Variants in XRRA1 observed in about 807,000 individuals in gnomAD.
XRRA1 encodes the protein X-ray radiation resistance associated 1.
Under a neutral mutation model 80.2 loss-of-function variants are expected in XRRA1, and 69 were observed. That is an observed-to-expected ratio of 0.86 (90% CI 0.71 to 1.05). The LOEUF is 1.05. Among genes scored for constraint, XRRA1 ranks in the 50% least tolerant of loss-of-function variants. The probability of loss-of-function intolerance (pLI) is 0.00; values close to 1 mark genes in which losing one functional copy is unlikely to be tolerated. For synonymous variants in XRRA1, 348 were observed against 389.9 expected (o/e 0.89, Z 1.27); for missense variants, 967 against 976.4 (o/e 0.99, Z 0.13).
At chr11:74,942,535 C>T (rs897555303) in intron 2 of XRRA1, among the ~76,000 whole-genome samples, 2 of 152,232 alleles carry the variant, frequency 1.3e-5, no homozygotes, top group African/African-American at 4.8e-5. Context: ...TGTGCTCTCT[C>T]TCAGAGTTGT....
rs2038859179 is a variant in XRRA1, at chr11:74,848,363, C to G, written c.1480G>C (p.Glu494Gln). 1 of 1,613,818 alleles carries G rather than the reference C, an allele frequency of 6.2e-7. No individual in the cohort carries two copies. Among genetic ancestry groups the G allele is most frequent in the Admixed American group, 1.7e-5 (1 of 59,992 alleles). Reference sequence around the variant, plus strand: ...GGCAGATCTTCAGCCAGCTCTGCCTCTGGCTCTAGCATATCCTTTGAGGGA... The same window carrying G: ...GGCAGATCTTCAGCCAGCTCTGCCTGTGGCTCTAGCATATCCTTTGAGGGA... ...KSPSKDMLEP[E>Q]AELAEDLPTT... Residue 494 changes from glutamate (E) to glutamine (Q), a missense_variant, in exon 15 of 19, where the codon GAG (glutamate) becomes CAG (glutamine). By Grantham distance (29) the Glu-to-Gln change is conservative (BLOSUM62 2). Transcript: ENST00000684022.
At chr11:74,872,741 C>T (rs2045131388) in intron 10 of XRRA1, among the ~76,000 whole-genome samples, 1 of 152,130 alleles carries the variant, frequency 6.6e-6, no homozygotes, top group African/African-American at 2.4e-5. Context: ...CCCCTGGCTC[C>T]AGCAGCTGAA....
At chr11:74,943,882 C>T (rs1342429900) in intron 2 of XRRA1, among the ~76,000 whole-genome samples, 1 of 152,028 alleles carries the variant, frequency 6.6e-6, no homozygotes, top group Non-Finnish European at 1.5e-5. Flanking sequence ...AGTACAGTGG[C>T]ACAATCACGG....
intron 8 of XRRA1, chr11:74,919,006 G>A (rs1939774315): frequency 6.6e-6 from 1 of 152,280 alleles, no homozygotes; most frequent in Non-Finnish European, 1.5e-5. Flanking sequence ...GTTTAGCAGT[G>A]ATGCAGCTTC....
At chr11:74,887,644 G>T (rs756169562) in intron 10 of XRRA1, among the ~76,000 whole-genome samples, 1 of 152,234 alleles carries the variant, frequency 6.6e-6, no homozygotes, top group East Asian at 1.9e-4. Flanking sequence ...CCCAGGTAGC[G>T]CAAGGGGTCA....
chr11:74,852,496 A>G (rs1043456359), intron 12 of XRRA1, among the ~76,000 whole-genome samples: 4 of 152,180 alleles, frequency 2.6e-5, no homozygotes, highest in Admixed American at 2.6e-4. Flanking sequence ...TCAGGATACA[A>G]TTTGACACTT....
Position 74,927,438 on chromosome 11 carries a change from C to T in XRRA1, c.475G>A (p.Gly159Ser), listed in dbSNP as rs1231264775. The T allele has an allele frequency of 1.2e-6, 2 of 1,613,460 alleles. No individual in the cohort carries two copies. The highest frequency in any genetic ancestry group is 2.7e-5 in the African/African-American group (2 of 74,878). The change falls in exon 7 of 19, where the codon GGC (glycine) becomes AGC (serine). Residue 159 changes from glycine to serine, a missense_variant. Physicochemically the swap from Gly to Ser is moderately conservative, Grantham distance 56. Transcript: ENST00000684022. ...TATTTCACGTAGATAGTTTTGATGC[C>T]ATTAAATGCGAGATCCAGTTCCTTT... ...ALKELDLAFN[G>S]IKTIYVKYGD...
intron 8 of XRRA1, chr11:74,911,286 A>G: frequency 6.6e-6 from 1 of 152,344 alleles, no homozygotes; most frequent in Non-Finnish European, 1.5e-5. Context: ...TACGTTGCCC[A>G]GGCTGGCCTC....
At chr11:74,877,458 T>C (rs955234491) in intron 10 of XRRA1, among the ~76,000 whole-genome samples, 2 of 152,104 alleles carry the variant, frequency 1.3e-5, no homozygotes, top group African/African-American at 4.8e-5. Context: ...GGATTCTTTT[T>C]TTTTATTTTT....
chr11:74,906,005 A>G (rs2054505288), intron 10 of XRRA1, among the ~76,000 whole-genome samples: 2 of 152,220 alleles, frequency 1.3e-5, no homozygotes, highest in Non-Finnish European at 2.9e-5. Flanking sequence ...AACTTCCAAA[A>G]CACATTTTAT....
At chr11:74,843,740 T>G in intron 18 of XRRA1, 114 bp downstream of exon 18, 2 of 958,974 alleles carry the variant, frequency 2.1e-6, no homozygotes, top group South Asian at 3.0e-5. Context: ...TAGAGACTGA[T>G]GTAGGCAGTT....
At chr11:74,844,742 C>CA (rs1339756235) in intron 16 of XRRA1, among the ~76,000 whole-genome samples, 1 of 152,212 alleles carries the variant, frequency 6.6e-6, no homozygotes, top group Non-Finnish European at 1.5e-5. Context: ...GGGAAAAGCT[C>CA]AAGAATCTGG....
At chr11:74,932,952 C>T (rs1943990969) in intron 5 of XRRA1, among the ~76,000 whole-genome samples, 1 of 152,150 alleles carries the variant, frequency 6.6e-6, no homozygotes, top group Non-Finnish European at 1.5e-5. Flanking sequence ...GCCACGAAAG[C>T]CAACATACCA....
chr11:74,940,366 A>G (rs1314737967), intron 3 of XRRA1, among the ~76,000 whole-genome samples: 2 of 152,204 alleles, frequency 1.3e-5, no homozygotes, highest in Non-Finnish European at 2.9e-5. Flanking sequence ...GTAGTCAGAC[A>G]TGCTTTACTG....
In XRRA1 at chr11:74,941,108, A is replaced by G. The variant is rs185750320; in HGVS notation, c.-4-226T>C. On this transcript the variant is annotated intron_variant, in intron 2 of 18. Coordinates refer to ENST00000684022, the MANE Select transcript of XRRA1 (RefSeq NM_001378157.1). ...TTCAGTTCAAATCAATCCTAACCCA[A>G]TGGAACCCTAGAAAGAACATGATCC... Among the ~76,000 whole-genome samples the G allele has an allele frequency of 1.8e-4, 28 of 152,290 alleles. No homozygotes were observed. In the East Asian group the frequency reaches 3.3e-3, roughly 18 times the overall value.
chr11:74,862,008 C>T (rs1399512621), intron 11 of XRRA1, among the ~76,000 whole-genome samples: 9 of 152,168 alleles, frequency 5.9e-5, no homozygotes, highest in Non-Finnish European at 1.0e-4. Flanking sequence ...CAGTATAATA[C>T]GGGGCTTTTG....
Position 74,844,130 on chromosome 11 carries a change from CAG to C in XRRA1, c.2043+36_2043+37del, listed in dbSNP as rs776636287. 1.2e-4 allele frequency: 194 copies of C among 1,586,786 alleles called. 1 individual carries two copies. The highest frequency in any genetic ancestry group is 3.7e-4 in the Admixed American group (22 of 59,914). ...CACATCTGTAATTGTGGGCGGTACT[CAG>C]GGGCCATTTACACATTCAGTGAGCT... On this transcript the variant is annotated intron_variant, in intron 17 of 18. Coordinates refer to ENST00000684022, the MANE Select transcript of XRRA1 (RefSeq NM_001378157.1).
At chr11:74,864,615 G>T (rs998841828) in intron 10 of XRRA1, among the ~76,000 whole-genome samples, 4 of 152,198 alleles carry the variant, frequency 2.6e-5, no homozygotes, top group African/African-American at 9.7e-5. Context: ...AGCCATATTT[G>T]GCCTTGAGCC....
intron 3 of XRRA1, among the ~76,000 whole-genome samples, chr11:74,940,470 TG>T (rs1385698299): frequency 6.6e-6 from 1 of 152,108 alleles, no homozygotes; most frequent in African/African-American, 2.4e-5. Context: ...AAAAAAGCTA[TG>T]TGAAAAGCAA....
Sources: allele counts gnomAD v4.1 joint callset (sites outside exome capture counted in the v4.1 genomes callset), GRCh38; gene constraint gnomAD v4.1.1; transcripts MANE v1.5; gene names NCBI Gene and HGNC (gene_info 2026-07-23, HGNC 2026-07-21).